C1GALT1: variants seen among roughly 807,000 people sequenced by gnomAD.
C1GALT1 encodes the protein glycoprotein-N-acetylgalactosamine 3-beta-galactosyltransferase 1.
C1GALT1 carries 11 observed loss-of-function variants against 31.0 expected under a neutral mutation model. The observed-to-expected ratio is 0.36, with a 90% CI of 0.22 to 0.59. The LOEUF is 0.59. Among genes scored for constraint, C1GALT1 ranks in the 20% least tolerant of loss-of-function variants. The probability of loss-of-function intolerance (pLI) is 0.79; values close to 1 mark genes in which losing one functional copy is unlikely to be tolerated. For synonymous variants in C1GALT1, 175 were observed against 143.6 expected (o/e 1.22, Z -1.56); for missense variants, 424 against 425.2 (o/e 1.00, Z 0.03).
At chr7:7,206,164 A>T (rs563210790) in intron 1 of C1GALT1, among the ~76,000 whole-genome samples, 1 of 152,202 alleles carries the variant, frequency 6.6e-6, no homozygotes, top group South Asian at 2.1e-4. Flanking sequence ...ATCTTTATAC[A>T]TTGTGTGTCA....
At chr7:7,169,393 G>C (rs1780429672) in intron 2 of C1GALT1, among the ~76,000 whole-genome samples, 1 of 152,156 alleles carries the variant, frequency 6.6e-6, no homozygotes, top group Non-Finnish European at 1.5e-5. Flanking sequence ...CTGCTGGGTT[G>C]TATGGTCATT....
chr7:7,221,210 C>A (rs557185196), intron 1 of C1GALT1, among the ~76,000 whole-genome samples: 1 of 151,998 alleles, frequency 6.6e-6, no homozygotes, highest in Admixed American at 6.5e-5. Context: ...TTTTCCATCA[C>A]CTCGTCTTTC....
Position 7,234,422 on chromosome 7 carries a change from G to A in C1GALT1, c.103G>A (p.Val35Ile). The stretch of plus-strand genomic sequence containing the variant: ...ATTTAGTATTTTGTTGGGAGAAAAG[G>A]TTGACACCCAGCCTAATGTTCTTCA... ...QLFSILLGEK[V>I]DTQPNVLHND... The change falls in exon 2 of 4, where the codon GTT (valine) becomes ATT (isoleucine). Residue 35 changes from valine (V) to isoleucine (I), a missense_variant. Physicochemically the swap from Val to Ile is conservative, Grantham distance 29. This residue lies in a region of C1GALT1 where 189 missense variants were observed against 158.2 expected (regional missense o/e 1.19). Transcript: ENST00000436587. The A allele has an allele frequency of 4.3e-6, 7 of 1,613,770 alleles. No homozygotes were observed. Among genetic ancestry groups the A allele is most frequent in the Non-Finnish European group, 5.9e-6 (7 of 1,179,730 alleles).
In C1GALT1 at chr7:7,159,892, C is replaced by T. The variant is rs573523220; in HGVS notation, c.-18+2466C>T. On this transcript the variant is annotated intron_variant, in intron 2 of 3. Transcript: ENST00000429911. ...TAACATGTAATGGAAGAAAAGGGAA[C>T]TGGCCTTTCAGCTATCAGCTCCGAG... is the stretch of plus-strand genomic sequence containing the variant. Among the ~76,000 whole-genome samples the T allele has an allele frequency of 1.5e-3, 232 of 152,206 alleles. 2 individuals are homozygous for T. The highest frequency in any genetic ancestry group is 0.01 in the Middle Eastern group (3 of 294).
chr7:7,224,630 T>C (rs987118343), intron 1 of C1GALT1, among the ~76,000 whole-genome samples: 2 of 152,144 alleles, frequency 1.3e-5, no homozygotes, highest in Admixed American at 1.3e-4. Flanking sequence ...CGTGTAGAGT[T>C]GTTTGTAGTA....
intron 1 of C1GALT1, among the ~76,000 whole-genome samples, chr7:7,233,371 C>G (rs1019483692): frequency 6.6e-6 from 1 of 152,126 alleles, no homozygotes; most frequent in Non-Finnish European, 1.5e-5. Flanking sequence ...TCAAGTGATT[C>G]TCCCACCTTA....
intron 1 of C1GALT1, among the ~76,000 whole-genome samples, chr7:7,193,677 A>G (rs943779490): frequency 6.6e-6 from 1 of 151,926 alleles, no homozygotes; most frequent in Non-Finnish European, 1.5e-5. Flanking sequence ...TCAGTTTCAT[A>G]TGAATTTTAG....
chr7:7,225,975 A>G (rs925007683), intron 1 of C1GALT1, among the ~76,000 whole-genome samples: 1 of 152,198 alleles, frequency 6.6e-6, no homozygotes, highest in Non-Finnish European at 1.5e-5. Flanking sequence ...AATGGGGGTG[A>G]AAATTCCAAT....
intron 1 of C1GALT1, among the ~76,000 whole-genome samples, chr7:7,197,252 C>G (rs1415369880): frequency 6.6e-6 from 1 of 151,380 alleles, no homozygotes; most frequent in Non-Finnish European, 1.5e-5. Context: ...TTTCAGCTTT[C>G]TACATATGGC....
chr7:7,234,500 G>C lies in C1GALT1; in HGVS notation c.181G>C (p.Gly61Arg), dbSNP rs1409061968. ...TGATAATGGACAGAATCATCTAGAA[G>C]GACAAATGAACTTCAATGCAGATTC... ...SDDNGQNHLE[G>R]QMNFNADSSQ... The change falls in exon 2 of 4, where the codon GGA becomes CGA. Residue 61 changes from glycine to arginine, a missense_variant. Transcript: ENST00000436587. 6.2e-7 allele frequency: 1 copy of C among 1,613,538 alleles called. No individual in the cohort carries two copies. Among genetic ancestry groups the C allele is most frequent in the Non-Finnish European group, 8.5e-7 (1 of 1,179,582 alleles).
upstream of C1GALT1, among the ~76,000 whole-genome samples, chr7:7,179,023 G>T (rs1416325089): frequency 2.0e-5 from 3 of 152,198 alleles, no homozygotes; most frequent in African/African-American, 7.2e-5. Flanking sequence ...AGGGTTGGAG[G>T]ATCTGCTTCC....
chr7:7,242,209 A>AATTT (rs1783662032), intron 3 of C1GALT1, among the ~76,000 whole-genome samples: 1 of 109,148 alleles, frequency 9.2e-6, no homozygotes, highest in African/African-American at 4.5e-5. Context: ...ATGAAATTTC[A>AATTT]CTTTTTTTTT....
intron 2 of C1GALT1, among the ~76,000 whole-genome samples, chr7:7,235,937 C>T (rs1246277490): frequency 2.6e-5 from 4 of 152,198 alleles, no homozygotes; most frequent in Admixed American, 2.6e-4. Flanking sequence ...CGATTCAGGC[C>T]TTCAGCTATA....
At chr7:7,160,214 C>A (rs188964574) in intron 2 of C1GALT1, among the ~76,000 whole-genome samples, 1 of 152,094 alleles carries the variant, frequency 6.6e-6, no homozygotes, top group Non-Finnish European at 1.5e-5. Flanking sequence ...TGTTTCTTCT[C>A]AACTCTGGAA....
At chr7:7,224,696 T>A (rs1215412166) in intron 1 of C1GALT1, among the ~76,000 whole-genome samples, 1 of 152,160 alleles carries the variant, frequency 6.6e-6, no homozygotes, top group Admixed American at 6.5e-5. Context: ...CCTGTATTAT[T>A]CCTGCTATTG....
chr7:7,163,039 T>G (rs1187979098), intron 2 of C1GALT1, among the ~76,000 whole-genome samples: 5 of 152,172 alleles, frequency 3.3e-5, no homozygotes, highest in Non-Finnish European at 7.4e-5. Flanking sequence ...GAGTAGGTTG[T>G]GAAAATTTTC....
intron 2 of C1GALT1, among the ~76,000 whole-genome samples, chr7:7,172,215 A>G (rs1429415075): frequency 3.3e-5 from 5 of 152,214 alleles, no homozygotes; most frequent in African/African-American, 1.2e-4. Flanking sequence ...TTTGCTAGAT[A>G]TAAAATTTCA....
At chr7:7,214,770 CG>C (rs1782156156) in intron 1 of C1GALT1, among the ~76,000 whole-genome samples, 1 of 152,172 alleles carries the variant, frequency 6.6e-6, no homozygotes, top group Non-Finnish European at 1.5e-5. Flanking sequence ...TCGGAGAAGC[CG>C]GGTTTACATT....
chr7:7,239,769 T>G (rs2128251798), intron 3 of C1GALT1, among the ~76,000 whole-genome samples: 1 of 152,312 alleles, frequency 6.6e-6, no homozygotes. Context: ...TTAATCTTTT[T>G]GCCACATTTG....
Sources: allele counts gnomAD v4.1 joint callset (sites outside exome capture counted in the v4.1 genomes callset), GRCh38; gene constraint gnomAD v4.1.1; regional missense constraint gnomAD v4.1.1; transcripts MANE v1.5; gene names NCBI Gene and HGNC (gene_info 2026-07-23, HGNC 2026-07-21).